The following UGT2A1 variants were observed in gnomAD, a reference collection of about 807,000 sequenced individuals.
The protein encoded by UGT2A1 is UDP glucuronosyltransferase family 2 member A1 complex locus.
In UGT2A1, 61 loss-of-function variants were observed where a neutral mutation model predicts 45.4. The ratio of observed to expected loss-of-function variants is 1.34; its 90% CI spans 1.09 to 1.66. The LOEUF (loss-of-function observed/expected upper bound fraction) is 1.66. UGT2A1 is among the 40% of genes most tolerant of loss of function. UGT2A1 has a pLI of 0.00. For synonymous variants in UGT2A1, 229 were observed against 196.2 expected (o/e 1.17, Z -1.40); for missense variants, 649 against 574.3 (o/e 1.13, Z -1.33).
chr4:69,593,810 C>T (rs1040020872), intron 6 of UGT2A1, among the ~76,000 whole-genome samples: 4 of 151,378 alleles, frequency 2.6e-5, no homozygotes, highest in South Asian at 2.1e-4. Context: ...TATTACTGAG[C>T]GTATTATCAT....
chr4:69,632,430 T>C (rs7699881), intron 3 of UGT2A1, among the ~76,000 whole-genome samples: 5,063 of 152,202 alleles, frequency 0.033, 287 homozygotes, highest in African/African-American at 0.11. Context: ...TACACCCACG[T>C]TATGATTTCT....
At chr4:69,603,099 A>C in intron 3 of UGT2A1, among the ~76,000 whole-genome samples, 1 of 136,492 alleles carries the variant, frequency 7.3e-6, no homozygotes, top group South Asian at 2.4e-4. Flanking sequence ...TAAATAAATA[A>C]ATCTTATTAA....
At position 69,605,617 on chromosome 4, in the gene UGT2A1, A is replaced by C. The variant is rs998400251; in HGVS notation, c.848-6223T>G. On this transcript the variant is annotated intron_variant, in intron 3 of 6. Coordinates refer to ENST00000286604, the MANE Select transcript of UGT2A1 (RefSeq NM_001252275.3). The stretch of plus-strand genomic sequence containing the variant: ...TAGAGACACAAAAAACCCTTTAAAA[A>C]ATCAATGAATCCAGGAGCTGGTTTT... Among the ~76,000 whole-genome samples the C allele has an allele frequency of 3.7e-5, 5 of 136,790 alleles. 1 individual carries two copies. In the South Asian group the frequency reaches 1.2e-3, roughly 33 times the overall value. The allele number at this position is 136,790 out of a possible 152,430, so 89.7% of individuals were successfully genotyped here. A position where few individuals can be genotyped will look rare whatever the true frequency, so the allele number is the denominator to read the frequency against.
chr4:69,626,119 T>G (rs1037269663), intron 3 of UGT2A1, among the ~76,000 whole-genome samples: 5 of 151,608 alleles, frequency 3.3e-5, no homozygotes, highest in African/African-American at 4.8e-5. Flanking sequence ...TCATAACTTT[T>G]TTTTCTGATT....
Position 69,651,754 on chromosome 4 carries a change from A to G in UGT2A1, c.-55+1434T>C, listed in dbSNP as rs189836378. ...GAGCGACTGCCTGGGCACGTGCATTAAGAGACAAAATGTTGAAGTGTGACC... is the reference window on the plus strand; with the variant it reads ...GAGCGACTGCCTGGGCACGTGCATTGAGAGACAAAATGTTGAAGTGTGACC... On this transcript the variant is annotated intron_variant, in intron 1 of 6. Transcript: ENST00000286604. Among the ~76,000 whole-genome samples the G allele has an allele frequency of 1.9e-3, 290 of 152,316 alleles. 1 individual carries two copies. The highest frequency in any genetic ancestry group is 3.6e-3 in the Non-Finnish European group (243 of 68,024).
chr4:69,597,850 A>C (rs547652271), intron 4 of UGT2A1, among the ~76,000 whole-genome samples: 1 of 152,222 alleles, frequency 6.6e-6, no homozygotes, highest in East Asian at 1.9e-4. Flanking sequence ...TAATTATTTC[A>C]TCAGCAATAT....
intron 2 of UGT2A1, among the ~76,000 whole-genome samples, chr4:69,641,063 T>C (rs1338351774): frequency 6.6e-6 from 1 of 151,626 alleles, no homozygotes; most frequent in Non-Finnish European, 1.5e-5. Context: ...GTAAGAAAAA[T>C]ATAATAATTA....
chr4:69,636,499 T>G (rs1026734264), intron 2 of UGT2A1, among the ~76,000 whole-genome samples: 1 of 151,774 alleles, frequency 6.6e-6, no homozygotes, highest in African/African-American at 2.4e-5. Flanking sequence ...GATATTTAAT[T>G]TCTTAAATGA....
chr4:69,607,736 A>C (rs1267244480), intron 3 of UGT2A1, among the ~76,000 whole-genome samples: 1 of 152,216 alleles, frequency 6.6e-6, no homozygotes, highest in Non-Finnish European at 1.5e-5. Context: ...ACAAACAAAC[A>C]AACCCATCAA....
intron 3 of UGT2A1, among the ~76,000 whole-genome samples, chr4:69,629,690 C>A (rs1379328572): frequency 6.6e-6 from 1 of 152,104 alleles, no homozygotes; most frequent in African/African-American, 2.4e-5. Context: ...CTGTACAACT[C>A]TACTGGAAGA....
At chr4:69,624,798 AT>A (rs759287336) in intron 3 of UGT2A1, among the ~76,000 whole-genome samples, 1 of 151,394 alleles carries the variant, frequency 6.6e-6, no homozygotes, top group South Asian at 2.1e-4. Context: ...TGTAGTTATC[AT>A]TTTGGTTTTA....
chr4:69,595,115 C>G (rs752513302), intron 5 of UGT2A1, 47 bp downstream of exon 5: 6 of 1,605,268 alleles, frequency 3.7e-6, no homozygotes, highest in South Asian at 3.3e-5. Flanking sequence ...AGTTACTTAA[C>G]TTGTCTATTG....
intron 2 of UGT2A1, chr4:69,639,254 T>C (rs1177639632): frequency 6.2e-7 from 1 of 1,613,694 alleles, no homozygotes; most frequent in Non-Finnish European, 8.5e-7. Flanking sequence ...GTATGTTAAT[T>C]TGAAAGAAAG....
intron 2 of UGT2A1, among the ~76,000 whole-genome samples, chr4:69,642,698 A>G (rs776878763): frequency 6.6e-6 from 1 of 151,612 alleles, no homozygotes. Flanking sequence ...TAGACTTGCT[A>G]AAGTATGTTA....
At chr4:69,607,670 T>C (rs1287531809) in intron 3 of UGT2A1, among the ~76,000 whole-genome samples, 1 of 152,188 alleles carries the variant, frequency 6.6e-6, no homozygotes, top group African/African-American at 2.4e-5. Context: ...AATCTACTCA[T>C]CTGACAAAGG....
chr4:69,613,780 C>A (rs769655643), intron 3 of UGT2A1, among the ~76,000 whole-genome samples: 1 of 151,932 alleles, frequency 6.6e-6, no homozygotes, highest in Non-Finnish European at 1.5e-5. Context: ...AACATCTCTT[C>A]ATGATTAAAA....
chr4:69,616,912 T>C (rs1482207025), intron 3 of UGT2A1, among the ~76,000 whole-genome samples: 2 of 150,788 alleles, frequency 1.3e-5, no homozygotes, highest in African/African-American at 4.8e-5. Flanking sequence ...GTGGCATCTA[T>C]AATCAATGAC....
At chr4:69,640,651 G>T (rs111294466) in intron 2 of UGT2A1, among the ~76,000 whole-genome samples, 3 of 151,960 alleles carry the variant, frequency 2.0e-5, no homozygotes, top group African/African-American at 7.2e-5. Context: ...TAGAAAATAA[G>T]TGACAGATTT....
intron 2 of UGT2A1, among the ~76,000 whole-genome samples, chr4:69,636,227 C>T (rs981086308): frequency 4.6e-5 from 7 of 152,108 alleles, no homozygotes; most frequent in Admixed American, 3.9e-4. Context: ...GTAATGGAAA[C>T]GCCACAAAAA....
Sources: allele counts gnomAD v4.1 joint callset (sites outside exome capture counted in the v4.1 genomes callset), GRCh38; gene constraint gnomAD v4.1.1; transcripts MANE v1.5; gene names NCBI Gene and HGNC (gene_info 2026-07-23, HGNC 2026-07-21).